The following UCN3 variants were observed in gnomAD, a reference collection of about 807,000 sequenced individuals.
The protein encoded by UCN3 is urocortin 3.
Under a neutral mutation model 3.6 loss-of-function variants are expected in UCN3, and 3 were observed. That is an observed-to-expected ratio of 0.83 (90% confidence interval 0.38 to 2.15). The LOEUF (loss-of-function observed/expected upper bound fraction) is 2.15, where lower values mean the gene tolerates loss of function less well. UCN3 is among the 30% of genes most tolerant of loss of function. UCN3 has a pLI of 0.06. For synonymous variants in UCN3, 100 were observed against 93.2 expected (o/e 1.07, Z -0.42); for missense variants, 206 against 208.3 (o/e 0.99, Z 0.07).
At chr10:5,370,771 G>T (rs1455227833) in intron 1 of UCN3, among the ~76,000 whole-genome samples, 3 of 138,422 alleles carry the variant, frequency 2.2e-5, no homozygotes, top group Non-Finnish European at 3.1e-5. Flanking sequence ...ATATGCGTGT[G>T]TATATGCGTG....
At chr10:5,369,948 T>C (rs1226553760) in intron 1 of UCN3, among the ~76,000 whole-genome samples, 2 of 130,004 alleles carry the variant, frequency 1.5e-5, no homozygotes, top group African/African-American at 6.5e-5. Context: ...TATGTGTGTG[T>C]ATATGTGTGT....
chr10:5,373,637 T>C (rs2119113978), intron 1 of UCN3, 78 bp from the exon 2 acceptor site: 3 of 1,541,600 alleles, frequency 1.9e-6, no homozygotes, highest in South Asian at 2.5e-5. Context: ...AACAACACCC[T>C]AGTAGATTTT....
intron 1 of UCN3, among the ~76,000 whole-genome samples, chr10:5,370,046 CGTGTGTATGT>C (rs1367618907): frequency 9.1e-4 from 10 of 10,974 alleles, no homozygotes; most frequent in South Asian, 0.012. Context: ...TGTGTATATG[CGTGTGTATGT>C]GTGTGTATAT....
At chr10:5,372,247 G>A (rs1185693828) in intron 1 of UCN3, among the ~76,000 whole-genome samples, 1 of 152,206 alleles carries the variant, frequency 6.6e-6, no homozygotes, top group African/African-American at 2.4e-5. Context: ...CAGGGCACAG[G>A]AAGTCAACTC....
intron 1 of UCN3, among the ~76,000 whole-genome samples, chr10:5,373,410 C>T (rs555303253): frequency 8.5e-5 from 13 of 152,296 alleles, no homozygotes; most frequent in South Asian, 6.2e-4. Context: ...TTAAATAAAA[C>T]CCATAAATAC....
rs911900035 is a variant in UCN3 at position 5,366,219 on chromosome 10, T to C, written c.-7+989T>C. ...CTGACCCAGGTCCCTCACGTTTCAG[T>C]GCTTGGCTCTGCCACAGCTCCCAGA... On this transcript the variant is annotated intron_variant, in intron 1 of 1. Transcript: ENST00000380433. The surrounding 1 kb of genome is among the most constrained non-coding windows in gnomAD (Gnocchi z 4.2). 5.3e-5 allele frequency among the ~76,000 whole-genome samples: 8 copies of C among 152,198 alleles called. No individual in the cohort carries two copies. Among genetic ancestry groups the C allele is most frequent in the Non-Finnish European group, 1.2e-4 (8 of 68,032 alleles).
chr10:5,369,642 A>G (rs573935848), intron 1 of UCN3, among the ~76,000 whole-genome samples: 1 of 152,400 alleles, frequency 6.6e-6, no homozygotes, highest in East Asian at 1.9e-4. Flanking sequence ...GACTATTTAA[A>G]GCGAGGATCA....
Position 5,373,725 on chromosome 10 carries a change from T to A in UCN3, c.5T>A (p.Leu2Gln). 1 of 1,613,366 alleles carries A rather than the reference T, an allele frequency of 6.2e-7. No homozygotes were observed. The highest frequency in any genetic ancestry group is 8.5e-7 in the Non-Finnish European group (1 of 1,179,562). The change falls in exon 2 of 2, where the codon CTG becomes CAG. Residue 2 changes from leucine (L) to glutamine (Q), a missense_variant. Transcript: ENST00000380433. The stretch of plus-strand genomic sequence containing the variant: ...TCTTTTCTGCTGCAGGGAGAGATGC[T>A]GATGCCGGTCCACTTCCTGCTGCTC... M[L>Q]MPVHFLLLLL...
In UCN3 at chr10:5,374,042, C is replaced by T. The variant is rs782812943; in HGVS notation, c.322C>T (p.Arg108Cys). ...CCAAGCACAGCCCAGGGGAAAGCCA[C>T]GCCAGGACACGGCCAAGAGTCCCCA... ...VSQAQPRGKP[R>C]QDTAKSPHRT... The change falls in exon 2 of 2, where the codon CGC (arginine) becomes TGC (cysteine). Residue 108 changes from arginine to cysteine, a missense_variant. Arg to Cys is a radical substitution (Grantham distance 180). Coordinates refer to ENST00000380433, the MANE Select transcript of UCN3 (RefSeq NM_053049.4). The T allele has an allele frequency of 3.0e-5, 48 of 1,612,832 alleles. No homozygotes were observed. The highest frequency in any genetic ancestry group is 2.9e-4 in the South Asian group (26 of 90,854).
In UCN3 at chr10:5,369,861, G is replaced by GT. The variant is rs1554811020; in HGVS notation, c.-6-3854_-6-3853insT. 1.0e-4 allele frequency among the ~76,000 whole-genome samples: 14 copies of GT among 134,646 alleles called. 2 individuals are homozygous for GT. The highest frequency in any genetic ancestry group is 4.1e-4 in the African/African-American group (14 of 33,908). 88.3% of individuals were successfully genotyped at this position (134,646 alleles called of 152,430 possible). A position where few individuals can be genotyped will look rare whatever the true frequency, so the allele number is the denominator to read the frequency against. Reference sequence around the variant, plus strand: ...GTGCTGGGTAAACATTTATCCACGTGGGTGTGTGTGTATATGTGTGTGTAT... The same window carrying GT: ...GTGCTGGGTAAACATTTATCCACGTGTGGTGTGTGTGTATATGTGTGTGTAT... On this transcript the variant is annotated intron_variant, in intron 1 of 1. Transcript: ENST00000380433.
chr10:5,371,256 G>T (rs1831423818), intron 1 of UCN3, among the ~76,000 whole-genome samples: 1 of 148,288 alleles, frequency 6.7e-6, no homozygotes, highest in South Asian at 2.1e-4. Flanking sequence ...GTATGTGTGA[G>T]GTGTGTGTGC....
chr10:5,372,241 GCA>G (rs1831440308), intron 1 of UCN3, among the ~76,000 whole-genome samples: 9 of 152,120 alleles, frequency 5.9e-5, no homozygotes, highest in African/African-American at 2.2e-4. Flanking sequence ...TGATCTCAGG[GCA>G]CAGGAAGTCA....
At position 5,370,424 on chromosome 10, in the gene UCN3, TGC is replaced by T. The variant is rs1554811221; in HGVS notation, c.-6-3289_-6-3288del. Among the ~76,000 whole-genome samples the T allele has an allele frequency of 5.1e-5, 6 of 117,224 alleles. 1 individual carries two copies. Among genetic ancestry groups the T allele is most frequent in the Admixed American group, 2.7e-4 (3 of 10,916 alleles). The allele number at this position is 117,224 out of a possible 152,430, so 76.9% of individuals were successfully genotyped here. On this transcript the variant is annotated intron_variant, in intron 1 of 1. Coordinates refer to ENST00000380433, the MANE Select transcript of UCN3 (RefSeq NM_053049.4). The stretch of plus-strand genomic sequence containing the variant: ...GTGTGTGTATATGTGTGTGTGTATA[TGC>T]GTGTGTATATGCGTGTGTATGTGTG...
At chr10:5,370,857 G>GTATA (rs1564443677) in intron 1 of UCN3, among the ~76,000 whole-genome samples, 1 of 99,752 alleles carries the variant, frequency 1.0e-5, no homozygotes, top group Non-Finnish European at 2.0e-5. Context: ...GTGCGCGTGT[G>GTATA]TGTGCGTGTG....
intron 1 of UCN3, among the ~76,000 whole-genome samples, chr10:5,369,915 A>ATGTG (rs1204886146): frequency 2.6e-5 from 2 of 77,458 alleles, no homozygotes; most frequent in African/African-American, 6.7e-5. Flanking sequence ...GTGTGTGTAT[A>ATGTG]TGTGTGTGTA....
chr10:5,370,784 T>TAAG (rs1831395722), intron 1 of UCN3, among the ~76,000 whole-genome samples: 1 of 144,380 alleles, frequency 6.9e-6, no homozygotes. Flanking sequence ...TATGCGTGTG[T>TAAG]GTGTGTATGC....
intron 1 of UCN3, among the ~76,000 whole-genome samples, chr10:5,369,587 A>G (rs139429802): frequency 6.6e-6 from 1 of 152,202 alleles, no homozygotes; most frequent in Admixed American, 6.5e-5. Context: ...TGTTGTTCTC[A>G]CTTCGCCAGG....
At chr10:5,370,869 A>T (rs375157286) in intron 1 of UCN3, among the ~76,000 whole-genome samples, 1 of 47,102 alleles carries the variant, frequency 2.1e-5, no homozygotes, top group African/African-American at 1.1e-4. Context: ...GTGCGTGTGT[A>T]TGTGTGTGTA....
chr10:5,370,852 CGTGTGTGTGCGT>C lies in UCN3; in HGVS notation c.-6-2858_-6-2847del, dbSNP rs1300939305. The stretch of plus-strand genomic sequence containing the variant: ...GCGTGTGTGTGCGCGTGTGTGTGCG[CGTGTGTGTGCGT>C]GTGTATGTGTGTGTATATGCGTGTG... On this transcript the variant is annotated intron_variant, in intron 1 of 1. Coordinates refer to ENST00000380433, the MANE Select transcript of UCN3 (RefSeq NM_053049.4). Among the ~76,000 whole-genome samples, 8 of 71,556 alleles carry C rather than the reference CGTGTGTGTGCGT, an allele frequency of 1.1e-4. 1 individual carries two copies. The East Asian group carries it at 1.3e-3, about 12-fold the overall frequency. 46.9% of individuals were successfully genotyped at this position (71,556 alleles called of 152,430 possible).
Sources: allele counts gnomAD v4.1 joint callset (sites outside exome capture counted in the v4.1 genomes callset), GRCh38; gene constraint gnomAD v4.1.1; non-coding constraint Gnocchi (gnomAD v3.1); transcripts MANE v1.5; gene names NCBI Gene and HGNC (gene_info 2026-07-23, HGNC 2026-07-21).